NVL: variants seen among roughly 807,000 people sequenced by gnomAD.
NVL encodes the protein nuclear valosin-containing protein-like.
Under a neutral mutation model 110.2 loss-of-function variants are expected in NVL, and 84 were observed. The observed-to-expected ratio is 0.76, with a 90% CI of 0.64 to 0.91. The LOEUF (loss-of-function observed/expected upper bound fraction) is 0.91. Ranked by LOEUF, NVL falls within the 40% of genes least tolerant of loss-of-function variation. NVL has a pLI of 0.00. For synonymous variants in NVL, 354 were observed against 361.1 expected, an observed-to-expected ratio of 0.98 and a Z score of 0.22; for missense variants, 882 against 1,035.9, an observed-to-expected ratio of 0.85 and a Z score of 2.04.
rs575316515 is a variant in NVL, at chr1:224,283,801, A to G, written c.1899+2225T>C. Among the ~76,000 whole-genome samples the G allele has an allele frequency of 4.6e-5, 7 of 152,322 alleles. No individual in the cohort carries two copies. In the South Asian group the frequency reaches 1.5e-3, roughly 32 times the overall value. ...CAAAACTATTGTGAAAAAATTGTAG[A>G]TCAATGACTGTGTTGTTCTCTTCTA... On this transcript the variant is annotated intron_variant, in intron 15 of 22. Coordinates refer to ENST00000281701, the MANE Select transcript of NVL (RefSeq NM_002533.4).
At chr1:224,230,140 AT>A (rs369816251) in intron 22 of NVL, among the ~76,000 whole-genome samples, 76 of 151,720 alleles carry the variant, frequency 5.0e-4, no homozygotes, top group African/African-American at 1.8e-3. Context: ...CTCCAGAGTG[AT>A]TTTTTTTTAA....
intron 12 of NVL, among the ~76,000 whole-genome samples, chr1:224,290,604 C>T (rs1418800503): frequency 6.6e-6 from 1 of 152,082 alleles, no homozygotes; most frequent in Admixed American, 6.6e-5. Flanking sequence ...AGATCAAGAC[C>T]ATCCTGGCTA....
chr1:224,250,414 G>T, intron 18 of NVL, 96 bp from the exon 19 acceptor site: 1 of 1,140,586 alleles, frequency 8.8e-7, no homozygotes, highest in South Asian at 1.8e-5. Flanking sequence ...TCCCAGGCTG[G>T]AGTGCAGTGG....
chr1:224,326,528 C>T (rs953477253), intron 1 of NVL, 64 bp from the exon 2 acceptor site: 30 of 1,059,760 alleles, frequency 2.8e-5, no homozygotes, highest in Non-Finnish European at 4.1e-5. Context: ...TTTTAATCAA[C>T]AGATTGAGCT....
At position 224,265,375 on chromosome 1, in the gene NVL, G is replaced by A. The variant is rs867052114; in HGVS notation, c.2182+2659C>T. On this transcript the variant is annotated intron_variant, in intron 18 of 22. Coordinates refer to ENST00000281701, the MANE Select transcript of NVL (RefSeq NM_002533.4). ...AAAAATTAGCTAGGCGTAGTGGCAC[G>A]TGCCTGTAGTCCCAGCTACTTGGGA... 1.3e-4 allele frequency among the ~76,000 whole-genome samples: 20 copies of A among 151,958 alleles called. No homozygotes were observed. In the Middle Eastern group the frequency reaches 0.01, roughly 78 times the overall value.
At chr1:224,292,907 C>T (rs190126758) in intron 12 of NVL, among the ~76,000 whole-genome samples, 22 of 152,024 alleles carry the variant, frequency 1.4e-4, no homozygotes, top group African/African-American at 3.4e-4. Context: ...TGCACCATCA[C>T]GCCCGGCTAA....
chr1:224,288,019 AAAAT>A (rs758366397), intron 13 of NVL, 26 bp from the exon 14 acceptor site: 212 of 1,547,168 alleles, frequency 1.4e-4, no homozygotes, highest in Middle Eastern at 1.4e-3. Context: ...AGAGGGGAAA[AAAAT>A]AAAGAAACAC....
chr1:224,271,029 C>T (rs1024626380), intron 17 of NVL, among the ~76,000 whole-genome samples: 1 of 152,064 alleles, frequency 6.6e-6, no homozygotes, highest in African/African-American at 2.4e-5. Flanking sequence ...CACAGGTGCA[C>T]AAAAATACGT....
intron 1 of NVL, among the ~76,000 whole-genome samples, chr1:224,327,635 A>G (rs967192359): frequency 1.3e-5 from 2 of 151,928 alleles, no homozygotes; most frequent in African/African-American, 4.8e-5. Flanking sequence ...AAAAAAATCA[A>G]TCTGAAACAT....
chr1:224,317,641 TG>T, intron 4 of NVL, 52 bp downstream of exon 4: 1 of 1,059,176 alleles, frequency 9.4e-7, no homozygotes, highest in Non-Finnish European at 1.5e-6. Context: ...CAAGCAGGAA[TG>T]TAACATGATA....
At chr1:224,319,153 C>CAA (rs770885193) in intron 2 of NVL, among the ~76,000 whole-genome samples, 2,104 of 46,816 alleles carry the variant, frequency 0.045, 98 homozygotes, top group East Asian at 0.076. Flanking sequence ...GACTCCGTCT[C>CAA]AAAAAAAAAA....
chr1:224,274,505 C>T (rs918466646), intron 17 of NVL, among the ~76,000 whole-genome samples: 1 of 151,480 alleles, frequency 6.6e-6, no homozygotes, highest in Non-Finnish European at 1.5e-5. Context: ...GGCATGGTGG[C>T]GGGTGCCTGT....
chr1:224,294,291 A>G lies in NVL; in HGVS notation c.1301T>C (p.Ile434Thr). ...GRFDREICLG[I>T]PDEASRERIL... ...CCTTTCCCTGGATGCTTCATCTGGGATACCTAGGCATATTTCTCGGTCGAA... is the reference window on the plus strand; with the variant it reads ...CCTTTCCCTGGATGCTTCATCTGGGGTACCTAGGCATATTTCTCGGTCGAA... The change falls in exon 12 of 23, where the codon ATC (isoleucine) becomes ACC (threonine). Residue 434 changes from isoleucine (I) to threonine (T), a missense_variant. Around this residue, in one of 4 missense-constraint regions of NVL, gnomAD observed 416 missense variants for 499.3 expected, o/e 0.83. Transcript: ENST00000281701. 6.2e-7 allele frequency: 1 copy of G among 1,614,198 alleles called. No homozygotes were observed.
chr1:224,305,380 G>C (rs1202512930), intron 6 of NVL: 2 of 494,266 alleles, frequency 4.0e-6, no homozygotes, highest in Admixed American at 7.6e-5. Flanking sequence ...TTAACATTTG[G>C]TGCTGGCCTT....
At chr1:224,237,961 CAAAAAAAAAAAAA>C (rs200152434) in intron 19 of NVL, among the ~76,000 whole-genome samples, 110,093 of 136,336 alleles carry the variant, frequency 0.81, 43,392 homozygotes, top group South Asian at 0.89. Flanking sequence ...GACTTGGTTT[CAAAAAAAAAAAAA>C]AAAAAAAAAA....
Position 224,245,627 on chromosome 1 carries a change from GACTGACTATGCAGCAGT to G in NVL, c.2289+4568_2289+4584del, listed in dbSNP as rs1374283525. Among the ~76,000 whole-genome samples the G allele has an allele frequency of 1.4e-4, 22 of 152,222 alleles. No homozygotes were observed. In the South Asian group the frequency reaches 3.3e-3, roughly 23 times the overall value. On this transcript the variant is annotated intron_variant, in intron 19 of 22. Coordinates refer to ENST00000281701, the MANE Select transcript of NVL (RefSeq NM_002533.4). ...GCCGTTGGCACAGACAGAGGCTGAGGACTGACTATGCAGCAGTCTAAACCACAATCTACAAAAGTTGC... is the reference window on the plus strand; with the variant it reads ...GCCGTTGGCACAGACAGAGGCTGAGGCTAAACCACAATCTACAAAAGTTGC...
chr1:224,254,170 C>T (rs998805493), intron 18 of NVL, among the ~76,000 whole-genome samples: 11 of 152,032 alleles, frequency 7.2e-5, no homozygotes, highest in Admixed American at 6.6e-4. Context: ...CAGCTCACTG[C>T]AACCTCTGCC....
intron 1 of NVL, among the ~76,000 whole-genome samples, chr1:224,328,468 A>G (rs1671361609): frequency 2.9e-5 from 1 of 34,480 alleles, no homozygotes. Flanking sequence ...TGCAGTGAGC[A>G]GAAAAAAAAA....
intron 16 of NVL, among the ~76,000 whole-genome samples, chr1:224,278,753 G>A (rs1666027832): frequency 6.6e-6 from 1 of 150,856 alleles, no homozygotes; most frequent in South Asian, 2.1e-4. Flanking sequence ...TTTTTTTTGA[G>A]ACAGGATGTT....
Sources: allele counts gnomAD v4.1 joint callset (sites outside exome capture counted in the v4.1 genomes callset), GRCh38; gene constraint gnomAD v4.1.1; regional missense constraint gnomAD v4.1.1; transcripts MANE v1.5; gene names NCBI Gene and HGNC (gene_info 2026-07-23, HGNC 2026-07-21).